The following CYP4Z1 variants were observed in gnomAD, a reference collection of about 807,000 sequenced individuals.
CYP4Z1 encodes cytochrome P450 family 4 subfamily Z member 1.
In CYP4Z1, 41 loss-of-function variants were observed where a neutral mutation model predicts 54.2. The observed-to-expected ratio is 0.76, with a 90% CI of 0.59 to 0.98. CYP4Z1 has a LOEUF of 0.98. CYP4Z1 is among the 50% of genes least tolerant of loss of function. CYP4Z1 has a pLI of 0.00. For synonymous variants in CYP4Z1, 163 were observed against 206.2 expected (o/e 0.79, Z 1.79); for missense variants, 513 against 599.0 (o/e 0.86, Z 1.50).
chr1:47,076,438 A>G (rs1028823032), intron 2 of CYP4Z1, among the ~76,000 whole-genome samples: 16 of 151,110 alleles, frequency 1.1e-4, no homozygotes, highest in Non-Finnish European at 1.3e-4. Context: ...AATCTCATTA[A>G]GCACTGCTTT....
Position 47,106,329 on chromosome 1 carries a change from A to G in CYP4Z1, c.1201+68A>G, listed in dbSNP as rs139441342. The G allele has an allele frequency of 4.0e-4, 607 of 1,514,394 alleles. 1 individual carries two copies. The African/African-American group carries it at 7.7e-3, about 19-fold the overall frequency. 93.8% of individuals were successfully genotyped at this position (1,514,394 alleles called of 1,614,324 possible). On this transcript the variant is annotated intron_variant, in intron 9 of 11. Coordinates refer to ENST00000334194, the MANE Select transcript of CYP4Z1 (RefSeq NM_178134.3). ...TGGATTGAAATGTCTTAACATACTC[A>G]TGTCTTTAACAGTTATTTATCCTTA...
intron 6 of CYP4Z1, among the ~76,000 whole-genome samples, chr1:47,087,005 C>T (rs1644600444): frequency 6.6e-6 from 1 of 151,982 alleles, no homozygotes; most frequent in Non-Finnish European, 1.5e-5. Context: ...GATGGGTGTA[C>T]ATGTGTGGTA....
rs1319473359 is a variant in CYP4Z1 at position 47,118,133 on chromosome 1, GA to G, written c.*205del. The G allele has an allele frequency of 9.4e-6, 5 of 533,972 alleles. No homozygotes were observed. The highest frequency in any genetic ancestry group is 1.2e-5 in the Non-Finnish European group (4 of 326,154). The allele number at this position is 533,972 out of a possible 1,614,324, so 33.1% of individuals were successfully genotyped here. On this transcript the variant is annotated 3_prime_UTR_variant, in exon 12 of 12. Coordinates refer to ENST00000334194, the MANE Select transcript of CYP4Z1 (RefSeq NM_178134.3). Reference sequence around the variant, plus strand: ...TCTGGTGAAACCCACAAAAACACCTGAAAAAACTCAAGCTGACTTCCACTGC... The same window carrying G: ...TCTGGTGAAACCCACAAAAACACCTGAAAAACTCAAGCTGACTTCCACTGC...
chr1:47,082,336 C>T lies in CYP4Z1; in HGVS notation c.367C>T (p.Arg123Ter), dbSNP rs774973940. 55 of 1,601,432 alleles carry T rather than the reference C, an allele frequency of 3.4e-5. No homozygotes were observed. The South Asian group carries it at 5.6e-4, about 16-fold the overall frequency. The change falls in exon 4 of 12, where the codon CGA becomes TGA. Residue 123 changes from arginine (R) to a stop codon, truncating the protein, a stop_gained and splice_region_variant. Transcript: ENST00000334194. LOFTEE classifies it high-confidence loss of function. Reference sequence around the variant, plus strand: ...AGTTGCCCCTCTCATTTCATAAGGTCGAGGACTTGTGACCCTGGATGGTTC... The same window carrying T: ...AGTTGCCCCTCTCATTTCATAAGGTTGAGGACTTGTGACCCTGGATGGTTC... ...SHKILESWVG[R>*]GLVTLDGSKW...
At chr1:47,109,915 T>C (rs1644781397) in intron 9 of CYP4Z1, among the ~76,000 whole-genome samples, 1 of 152,076 alleles carries the variant, frequency 6.6e-6, no homozygotes, top group Admixed American at 6.5e-5. Flanking sequence ...AAGTTATGAA[T>C]TCTATTTCCT....
At chr1:47,082,690 T>C (rs1417244455) in intron 4 of CYP4Z1, among the ~76,000 whole-genome samples, 1 of 151,740 alleles carries the variant, frequency 6.6e-6, no homozygotes, top group East Asian at 1.9e-4. Context: ...AGTAGCTGAA[T>C]GAATGAGTGA....
intron 8 of CYP4Z1, among the ~76,000 whole-genome samples, chr1:47,103,947 T>A (rs1169043122): frequency 5.3e-5 from 8 of 152,180 alleles, no homozygotes; most frequent in Non-Finnish European, 1.0e-4. Context: ...TCCCAGGATT[T>A]TGTAAATTTC....
At chr1:47,087,303 G>C (rs888311047) in intron 6 of CYP4Z1, among the ~76,000 whole-genome samples, 1 of 152,112 alleles carries the variant, frequency 6.6e-6, no homozygotes, top group Non-Finnish European at 1.5e-5. Context: ...CCATTTTCAC[G>C]ATATTGATTC....
intron 9 of CYP4Z1, among the ~76,000 whole-genome samples, chr1:47,111,575 G>T (rs774444599): frequency 6.6e-6 from 1 of 152,040 alleles, no homozygotes; most frequent in Admixed American, 6.6e-5. Flanking sequence ...AAAGACCTAC[G>T]CAAACCAAAC....
chr1:47,060,514 A>G, the CYP4Z1 span, among the ~76,000 whole-genome samples: 2 of 151,626 alleles, frequency 1.3e-5, no homozygotes, highest in African/African-American at 4.9e-5. Flanking sequence ...TAGCTATCCT[A>G]AATATATATT....
At chr1:47,068,231 G>A (rs1200708212) in intron 1 of CYP4Z1, among the ~76,000 whole-genome samples, 1 of 152,188 alleles carries the variant, frequency 6.6e-6, no homozygotes. Flanking sequence ...CTTGTGCCAG[G>A]AATTTTATGT....
chr1:47,116,541 C>A, intron 10 of CYP4Z1, 109 bp from the exon 11 acceptor site: 2 of 653,654 alleles, frequency 3.1e-6, no homozygotes, highest in Non-Finnish European at 5.1e-6. Context: ...CTAAAATTAG[C>A]TTTGGAATTC....
At chr1:47,085,766 C>CAT (rs1265821208) in intron 6 of CYP4Z1, among the ~76,000 whole-genome samples, 1 of 151,608 alleles carries the variant, frequency 6.6e-6, no homozygotes, top group East Asian at 1.9e-4. Context: ...CATATGTATA[C>CAT]ATGTGCCATA....
chr1:47,084,928 C>T lies in CYP4Z1; in HGVS notation c.722C>T (p.Ser241Phe), dbSNP rs762227421. The change falls in exon 6 of 12, where the codon TCT becomes TTT. Residue 241 changes from serine to phenylalanine, a missense_variant. Ser to Phe is a radical substitution (Grantham distance 155, BLOSUM62 -2). Coordinates refer to ENST00000334194, the MANE Select transcript of CYP4Z1 (RefSeq NM_178134.3). ...AACGACCTGGTTTTCAAATTCAGCT[C>T]TCAAGGCCAAATCTTTTCTAAATTT... ...HHNDLVFKFS[S>F]QGQIFSKFNQ... 8 of 1,528,430 alleles carry T rather than the reference C, an allele frequency of 5.2e-6. No homozygotes were observed. The highest frequency in any genetic ancestry group is 7.1e-6 in the Non-Finnish European group (8 of 1,121,860). The allele number at this position is 1,528,430 out of a possible 1,614,324, so 94.7% of individuals were successfully genotyped here. A position where few individuals can be genotyped will look rare whatever the true frequency, so the allele number is the denominator to read the frequency against.
At chr1:47,111,013 T>C (rs11586357) in intron 9 of CYP4Z1, among the ~76,000 whole-genome samples, 171 of 152,118 alleles carry the variant, frequency 1.1e-3, no homozygotes, top group Non-Finnish European at 2.1e-3. Flanking sequence ...AGCACTGTTA[T>C]GGTGTTCCAG....
upstream of CYP4Z1, among the ~76,000 whole-genome samples, chr1:47,066,761 G>C (rs11211435): frequency 0.42 from 63,576 of 151,754 alleles, 14,662 homozygotes; most frequent in East Asian, 0.97. Context: ...ACCTAGAAAA[G>C]CCTAAAGACT....
At chr1:47,106,852 A>C (rs1465630350) in intron 9 of CYP4Z1, among the ~76,000 whole-genome samples, 1 of 152,252 alleles carries the variant, frequency 6.6e-6, no homozygotes, top group Non-Finnish European at 1.5e-5. Flanking sequence ...TTTTTTAGAA[A>C]GATTAATACA....
At position 47,084,101 on chromosome 1, in the gene CYP4Z1, T is replaced by C. The variant is rs190433045; in HGVS notation, c.493-519T>C. ...TATGTCCAAGGGGGTAAATAACATC[T>C]GAATTCTAATATATAGTTGAGGGTT... On this transcript the variant is annotated intron_variant, in intron 4 of 11. Transcript: ENST00000334194. Among the ~76,000 whole-genome samples, 54 of 152,290 alleles carry C rather than the reference T, an allele frequency of 3.5e-4. 3 individuals are homozygous for C. The highest frequency in any genetic ancestry group is 1.3e-3 in the African/African-American group (53 of 41,556).
At position 47,067,468 on chromosome 1, in the gene CYP4Z1, A is replaced by G; in HGVS notation, c.-23A>G. The G allele has an allele frequency of 6.3e-7, 1 of 1,578,084 alleles. No individual in the cohort carries two copies. The highest frequency in any genetic ancestry group is 8.6e-7 in the Non-Finnish European group (1 of 1,159,776). On this transcript the variant is annotated 5_prime_UTR_variant, in exon 1 of 12. Coordinates refer to ENST00000334194, the MANE Select transcript of CYP4Z1 (RefSeq NM_178134.3). ...CTGGCTCAGTTCTCTCAGGCTCTCC[A>G]GAGCTCAGGACCTCTGAGAAGAATG...
Sources: allele counts gnomAD v4.1 joint callset (sites outside exome capture counted in the v4.1 genomes callset), GRCh38; gene constraint gnomAD v4.1.1; transcripts MANE v1.5; gene names NCBI Gene and HGNC (gene_info 2026-07-23, HGNC 2026-07-21).